CTNNA3: variants seen among roughly 807,000 people sequenced by gnomAD.
CTNNA3 encodes catenin alpha-3.
A neutral mutation model predicts 95.7 loss-of-function variants in CTNNA3; 76 were observed. The ratio of observed to expected loss-of-function variants is 0.79; its 90% CI spans 0.66 to 0.96. The LOEUF (loss-of-function observed/expected upper bound fraction) is 0.96. CTNNA3 is among the 40% of genes least tolerant of loss of function. The pLI, the probability that CTNNA3 is intolerant of heterozygous loss-of-function variation, is 0.00. For synonymous variants in CTNNA3, 431 were observed against 374.4 expected, an observed-to-expected ratio of 1.15 and a Z score of -1.74; for missense variants, 1,191 against 1,089.8, an observed-to-expected ratio of 1.09 and a Z score of -1.31.
chr10:67,306,789 A>ATTT (rs1840570839), intron 5 of CTNNA3, among the ~76,000 whole-genome samples: 3 of 151,806 alleles, frequency 2.0e-5, no homozygotes, highest in African/African-American at 7.3e-5. Flanking sequence ...GATTTTTTTA[A>ATTT]AAAAAAATAC....
At chr10:67,561,013 A>G (rs1226819597) in intron 3 of CTNNA3, among the ~76,000 whole-genome samples, 10 of 151,068 alleles carry the variant, frequency 6.6e-5, no homozygotes, top group Admixed American at 2.0e-4. Context: ...CTACAAAGAG[A>G]CTTAGACTCC....
intron 12 of CTNNA3, among the ~76,000 whole-genome samples, chr10:66,337,358 A>G (rs2092408631): frequency 6.6e-6 from 1 of 152,126 alleles, no homozygotes; most frequent in South Asian, 2.1e-4. Flanking sequence ...AGATACACTT[A>G]TTTGGAAGAA....
chr10:66,788,075 T>C (rs544926296), intron 7 of CTNNA3, among the ~76,000 whole-genome samples: 1 of 152,342 alleles, frequency 6.6e-6, no homozygotes, highest in East Asian at 1.9e-4. Flanking sequence ...GAAACATCTA[T>C]GTTTCATTAT....
At chr10:67,031,156 G>A (rs1853702652) in intron 7 of CTNNA3, among the ~76,000 whole-genome samples, 1 of 152,122 alleles carries the variant, frequency 6.6e-6, no homozygotes. Context: ...TAATAAAGTT[G>A]TATTATTCCA....
At chr10:66,016,632 A>C (rs1441780870) in intron 15 of CTNNA3, among the ~76,000 whole-genome samples, 1 of 152,152 alleles carries the variant, frequency 6.6e-6, no homozygotes, top group Non-Finnish European at 1.5e-5. Context: ...CTTTTTAAAA[A>C]TTCTATTCAT....
chr10:66,170,537 A>G (rs10996948), intron 13 of CTNNA3, among the ~76,000 whole-genome samples: 26,659 of 151,884 alleles, frequency 0.18, 2,534 homozygotes, highest in Admixed American at 0.25. Flanking sequence ...GCAGATCCAA[A>G]CAGATAAAAT....
chr10:67,613,473 A>G (rs1391929168), intron 2 of CTNNA3, among the ~76,000 whole-genome samples: 2 of 152,226 alleles, frequency 1.3e-5, no homozygotes, highest in African/African-American at 4.8e-5. Context: ...ATGGGTTGCT[A>G]CAGCAAAATT....
At chr10:67,492,284 A>T (rs949581999) in intron 5 of CTNNA3, among the ~76,000 whole-genome samples, 1 of 152,194 alleles carries the variant, frequency 6.6e-6, no homozygotes, top group South Asian at 2.1e-4. Context: ...AAAAAAGAAC[A>T]GTTGAAGTTA....
chr10:67,728,988 A>G (rs1841259511), intron 1 of CTNNA3, among the ~76,000 whole-genome samples: 1 of 152,196 alleles, frequency 6.6e-6, no homozygotes, highest in Non-Finnish European at 1.5e-5. Context: ...ATTAATTTCT[A>G]AATCTCAGTT....
At chr10:67,334,762 C>G (rs1841926895) in intron 5 of CTNNA3, 1 of 153,096 alleles carries the variant, frequency 6.5e-6, no homozygotes, top group Non-Finnish European at 1.5e-5. Context: ...TCAGTACTAA[C>G]TACAAGGTTA....
intron 3 of CTNNA3, among the ~76,000 whole-genome samples, chr10:67,560,420 T>C (rs1241717761): frequency 6.6e-6 from 1 of 152,086 alleles, no homozygotes; most frequent in Non-Finnish European, 1.5e-5. Context: ...TAAAATACTT[T>C]ACAGACAAGC....
At chr10:66,914,380 G>A (rs537210938) in intron 7 of CTNNA3, among the ~76,000 whole-genome samples, 23 of 151,630 alleles carry the variant, frequency 1.5e-4, no homozygotes, top group African/African-American at 4.8e-4. Context: ...TCTGCCCTCC[G>A]GCAGGGTACT....
chr10:66,814,777 A>G (rs1842011640), intron 7 of CTNNA3, among the ~76,000 whole-genome samples: 1 of 152,164 alleles, frequency 6.6e-6, no homozygotes, highest in African/African-American at 2.4e-5. Context: ...AAATAAATAA[A>G]TAAATAAAGC....
intron 7 of CTNNA3, among the ~76,000 whole-genome samples, chr10:66,892,627 T>C (rs1284122181): frequency 6.6e-6 from 1 of 152,072 alleles, no homozygotes; most frequent in Non-Finnish European, 1.5e-5. Flanking sequence ...AAGTCAGAAA[T>C]AGTGGCATCC....
At chr10:66,751,743 T>C (rs1207236778) in intron 9 of CTNNA3, among the ~76,000 whole-genome samples, 3 of 152,204 alleles carry the variant, frequency 2.0e-5, no homozygotes, top group Non-Finnish European at 1.5e-5. Flanking sequence ...AATTAGTTTA[T>C]ACATCAAATC....
intron 5 of CTNNA3, among the ~76,000 whole-genome samples, chr10:67,223,068 C>T (rs1864730875): frequency 6.6e-6 from 1 of 152,132 alleles, no homozygotes; most frequent in African/African-American, 2.4e-5. Context: ...AATAGCAAGT[C>T]CTTGACGCCT....
chr10:66,117,629 G>C (rs143759425), intron 13 of CTNNA3, among the ~76,000 whole-genome samples: 2 of 152,208 alleles, frequency 1.3e-5, no homozygotes, highest in African/African-American at 4.8e-5. Context: ...CCAAATGTAG[G>C]CTTTTCTATA....
At position 67,031,428 on chromosome 10, in the gene CTNNA3, T is replaced by C. The variant is rs560142038; in HGVS notation, c.1047+148889A>G. Reference sequence around the variant, plus strand: ...CTACATTATCCCTTTCTACTATACATTGTGCTTATCACTAATGTATTGAAT... The same window carrying C: ...CTACATTATCCCTTTCTACTATACACTGTGCTTATCACTAATGTATTGAAT... On this transcript the variant is annotated intron_variant, in intron 7 of 17. Coordinates refer to ENST00000433211, the MANE Select transcript of CTNNA3 (RefSeq NM_013266.4). Among the ~76,000 whole-genome samples, 547 of 152,342 alleles carry C rather than the reference T, an allele frequency of 3.6e-3. 1 individual carries two copies. Among genetic ancestry groups the C allele is most frequent in the African/African-American group, 0.012 (512 of 41,588 alleles).
At chr10:67,250,270 C>T (rs1866055585) in intron 5 of CTNNA3, among the ~76,000 whole-genome samples, 1 of 150,568 alleles carries the variant, frequency 6.6e-6, no homozygotes, top group South Asian at 2.1e-4. Context: ...GGCTGGAGGG[C>T]AGTGGCACGG....
Sources: allele counts gnomAD v4.1 joint callset (sites outside exome capture counted in the v4.1 genomes callset), GRCh38; gene constraint gnomAD v4.1.1; transcripts MANE v1.5; gene names NCBI Gene and HGNC (gene_info 2026-07-23, HGNC 2026-07-21).